Variants in ESRRG observed in about 807,000 individuals in gnomAD.
ESRRG encodes the protein estrogen-related receptor gamma.
A neutral mutation model predicts 44.0 loss-of-function variants in ESRRG; 13 were observed. The ratio of observed to expected loss-of-function variants is 0.30; its 90% confidence interval spans 0.19 to 0.47. The LOEUF (loss-of-function observed/expected upper bound fraction) is 0.47. Among genes scored for constraint, ESRRG ranks in the 20% least tolerant of loss-of-function variants. ESRRG has a pLI of 1.00. For missense variants in ESRRG, 395 were observed against 580.6 expected, an observed-to-expected ratio of 0.68 and a Z score of 3.29; for synonymous variants, 215 against 214.6, an observed-to-expected ratio of 1.00 and a Z score of -0.02.
intron 2 of ESRRG, among the ~76,000 whole-genome samples, chr1:216,890,645 CCAAATACAT>C (rs2057653024): frequency 6.6e-6 from 1 of 152,118 alleles, no homozygotes; most frequent in Non-Finnish European, 1.5e-5. Flanking sequence ...ATAAACTCAG[CCAAATACAT>C]CCCCTTATTG....
intron 1 of ESRRG, among the ~76,000 whole-genome samples, chr1:217,055,734 A>G (rs1183105629): frequency 7.1e-6 from 1 of 140,142 alleles, no homozygotes; most frequent in Admixed American, 7.5e-5. Context: ...AGGTACATTT[A>G]CACTACATGA....
At chr1:216,882,706 C>A (rs1024944384) in intron 2 of ESRRG, among the ~76,000 whole-genome samples, 5 of 151,990 alleles carry the variant, frequency 3.3e-5, no homozygotes, top group African/African-American at 9.7e-5. Context: ...TAGAAGGTAG[C>A]TTTTAAACAC....
At chr1:217,079,282 T>A (rs2091559246) in intron 1 of ESRRG, among the ~76,000 whole-genome samples, 1 of 152,210 alleles carries the variant, frequency 6.6e-6, no homozygotes, top group Non-Finnish European at 1.5e-5. Context: ...CAAGTCCAGG[T>A]TATGGTATAT....
At chr1:216,753,088 C>A (rs1314818567) in intron 2 of ESRRG, among the ~76,000 whole-genome samples, 1 of 151,750 alleles carries the variant, frequency 6.6e-6, no homozygotes. Context: ...ATATGTGTGG[C>A]TTTGCTGTCT....
intron 2 of ESRRG, among the ~76,000 whole-genome samples, chr1:216,799,725 C>T (rs1002731929): frequency 2.6e-5 from 4 of 152,052 alleles, no homozygotes; most frequent in Non-Finnish European, 5.9e-5. Flanking sequence ...ATCTTACAAA[C>T]CAAGGGGACA....
chr1:216,868,038 C>T (rs146337658), intron 2 of ESRRG, among the ~76,000 whole-genome samples: 18 of 149,764 alleles, frequency 1.2e-4, no homozygotes, highest in Non-Finnish European at 2.4e-4. Flanking sequence ...TGGTCTCTCA[C>T]TCAGCATGAA....
chr1:216,800,926 C>T (rs17631197), intron 2 of ESRRG, among the ~76,000 whole-genome samples: 10,200 of 152,140 alleles, frequency 0.067, 399 homozygotes, highest in Middle Eastern at 0.095. Context: ...ATAAGAAACA[C>T]TTCATTTAAT....
chr1:216,926,412 G>GAA (rs35546963), intron 2 of ESRRG, among the ~76,000 whole-genome samples: 4 of 127,884 alleles, frequency 3.1e-5, no homozygotes, highest in African/African-American at 8.8e-5. Context: ...TAACACCTAT[G>GAA]AAAAAAAAAA....
intron 3 of ESRRG, among the ~76,000 whole-genome samples, chr1:216,632,944 G>A (rs1020548637): frequency 1.3e-5 from 2 of 152,090 alleles, no homozygotes; most frequent in Admixed American, 6.5e-5. Flanking sequence ...TTGCCTAAAT[G>A]TTTAAACTAT....
intron 1 of ESRRG, among the ~76,000 whole-genome samples, chr1:216,707,007 C>A (rs11572674): frequency 0.019 from 2,902 of 152,190 alleles, 91 homozygotes; most frequent in African/African-American, 0.066. Context: ...GGCAGTGTTG[C>A]AGGAATGCTG....
At chr1:216,889,128 T>G (rs1020347539) in intron 2 of ESRRG, among the ~76,000 whole-genome samples, 1 of 152,196 alleles carries the variant, frequency 6.6e-6, no homozygotes, top group Admixed American at 6.5e-5. Context: ...TAGTGTTATC[T>G]CAGCATGTTT....
At chr1:216,694,637 G>A (rs2079752563) in intron 1 of ESRRG, among the ~76,000 whole-genome samples, 1 of 151,756 alleles carries the variant, frequency 6.6e-6, no homozygotes, top group African/African-American at 2.4e-5. Context: ...GCTTACTGAA[G>A]CCTCTTGACC....
chr1:217,133,937 A>T (rs915999240), intron 1 of ESRRG, among the ~76,000 whole-genome samples: 1 of 152,074 alleles, frequency 6.6e-6, no homozygotes, highest in Non-Finnish European at 1.5e-5. Flanking sequence ...GTTTCTGCCT[A>T]TGAAGATGTA....
intron 2 of ESRRG, among the ~76,000 whole-genome samples, chr1:216,810,014 G>T (rs578024410): frequency 2.4e-4 from 36 of 152,246 alleles, no homozygotes; most frequent in Non-Finnish European, 4.3e-4. Flanking sequence ...GAGACAGAAA[G>T]GGGGAGGAAA....
At chr1:216,545,514 C>T (rs752973000) in intron 5 of ESRRG, among the ~76,000 whole-genome samples, 10 of 151,910 alleles carry the variant, frequency 6.6e-5, no homozygotes, top group African/African-American at 2.4e-4. Flanking sequence ...AAAGACTTAC[C>T]TATTAAAAAT....
chr1:216,543,592 G>C (rs2053527315), intron 5 of ESRRG, among the ~76,000 whole-genome samples: 1 of 151,940 alleles, frequency 6.6e-6, no homozygotes, highest in Admixed American at 6.6e-5. Context: ...CAAATACATG[G>C]AATTTCAACA....
At chr1:216,727,719 A>G (rs959453542), upstream of ESRRG, among the ~76,000 whole-genome samples, 1 of 152,106 alleles carries the variant, frequency 6.6e-6, no homozygotes, top group Admixed American at 6.6e-5. Context: ...GCTGAAAGTG[A>G]TCGCTTCCAC....
chr1:216,902,820 G>T (rs1657960741), intron 2 of ESRRG, among the ~76,000 whole-genome samples: 1 of 152,212 alleles, frequency 6.6e-6, no homozygotes, highest in African/African-American at 2.4e-5. Context: ...ATGACCACAT[G>T]CATAGCATTG....
chr1:216,973,662 A>C (rs2072216828), intron 1 of ESRRG, among the ~76,000 whole-genome samples: 1 of 152,062 alleles, frequency 6.6e-6, no homozygotes, highest in African/African-American at 2.4e-5. Flanking sequence ...CCCCATCTCC[A>C]CTAAAAATAC....
Sources: gnomAD v4.1 joint callset for allele counts (sites outside exome capture counted in the v4.1 genomes callset) on GRCh38, gnomAD v4.1.1 for gene constraint, MANE v1.5 for transcripts, NCBI Gene and HGNC (gene_info 2026-07-23, HGNC 2026-07-21) for gene names.